The following SDK2 variants were observed in gnomAD, a reference collection of about 807,000 sequenced individuals.
SDK2 encodes the protein sidekick cell adhesion molecule 2.
A neutral mutation model predicts 253.9 loss-of-function variants in SDK2; 105 were observed. That is an observed-to-expected ratio of 0.41 (90% CI 0.35 to 0.49). SDK2 has a LOEUF of 0.49. Among genes scored for constraint, SDK2 ranks in the 20% least tolerant of loss-of-function variants. The probability of loss-of-function intolerance (pLI) is 0.06; values close to 1 mark genes in which losing one functional copy is unlikely to be tolerated. For synonymous variants in SDK2, 1,249 were observed against 1,234.9 expected, an observed-to-expected ratio of 1.01 and a Z score of -0.24; for missense variants, 2,608 against 3,003.0, an observed-to-expected ratio of 0.87 and a Z score of 3.07.
intron 1 of SDK2, among the ~76,000 whole-genome samples, chr17:73,636,429 T>G (rs1376922552): frequency 2.0e-5 from 3 of 152,070 alleles, no homozygotes; most frequent in Non-Finnish European, 4.4e-5. Flanking sequence ...AGCTCATGCC[T>G]GCAATCCCAG....
chr17:73,578,203 GCA>G (rs2045483744), intron 1 of SDK2, among the ~76,000 whole-genome samples: 2 of 152,196 alleles, frequency 1.3e-5, no homozygotes, highest in South Asian at 4.2e-4. Flanking sequence ...GGGATTACAG[GCA>G]CACACCACCA....
chr17:73,341,045 G>GTTT (rs10541030), intron 44 of SDK2, among the ~76,000 whole-genome samples: 1 of 131,696 alleles, frequency 7.6e-6, no homozygotes, highest in Non-Finnish European at 1.6e-5. Context: ...CGGCTGGTCT[G>GTTT]TTTTTTTTTT....
At chr17:73,545,099 G>GCGCACA (rs147498499) in intron 1 of SDK2, among the ~76,000 whole-genome samples, 2 of 145,716 alleles carry the variant, frequency 1.4e-5, no homozygotes, top group African/African-American at 5.1e-5. Flanking sequence ...GCACGTGCAC[G>GCGCACA]CACACACACA....
At chr17:73,401,587 G>C (rs2063026478) in intron 20 of SDK2, 67 bp downstream of exon 20, 1 of 1,390,606 alleles carries the variant, frequency 7.2e-7, no homozygotes, top group Admixed American at 2.0e-5. Flanking sequence ...AAAGGCAGGG[G>C]ATGGACCAGC....
chr17:73,347,579 G>C (rs1248931573), intron 44 of SDK2, among the ~76,000 whole-genome samples: 1 of 152,134 alleles, frequency 6.6e-6, no homozygotes, highest in African/African-American at 2.4e-5. Context: ...AGGCTTCCTG[G>C]CACCTCCTGC....
At chr17:73,446,665 G>A (rs976387943) in intron 5 of SDK2, among the ~76,000 whole-genome samples, 1 of 152,188 alleles carries the variant, frequency 6.6e-6, no homozygotes, top group Non-Finnish European at 1.5e-5. Context: ...AAGTACCATC[G>A]TGACCAAGGA....
intron 1 of SDK2, among the ~76,000 whole-genome samples, chr17:73,624,022 C>T (rs1567879237): frequency 6.6e-6 from 1 of 152,224 alleles, no homozygotes; most frequent in African/African-American, 2.4e-5. Flanking sequence ...GGCCGCTCAG[C>T]CTGCTGGGCC....
rs1031232609 is a variant in SDK2, at chr17:73,368,839, G to A, written c.4981-246C>T. Among the ~76,000 whole-genome samples, 4 of 151,972 alleles carry A rather than the reference G, an allele frequency of 2.6e-5. No homozygotes were observed. In the East Asian group the frequency reaches 5.8e-4, roughly 22 times the overall value. ...AGCCTGGCCAACATGGTGAATCCCC[G>A]TTTCTACTGGAAATACAAAAAAATC... On this transcript the variant is annotated intron_variant, in intron 36 of 44. Coordinates refer to ENST00000392650, the MANE Select transcript of SDK2 (RefSeq NM_001144952.2).
intron 2 of SDK2, among the ~76,000 whole-genome samples, chr17:73,491,516 G>A (rs1355257546): frequency 1.3e-5 from 2 of 152,114 alleles, no homozygotes; most frequent in Non-Finnish European, 2.9e-5. Flanking sequence ...GGGACTACAG[G>A]CGTGCACCAC....
intron 16 of SDK2, among the ~76,000 whole-genome samples, chr17:73,418,212 T>C (rs568252814): frequency 1.3e-5 from 2 of 152,312 alleles, no homozygotes; most frequent in Admixed American, 1.3e-4. Flanking sequence ...TTCACCATAT[T>C]GGCCAGGATT....
intron 1 of SDK2, among the ~76,000 whole-genome samples, chr17:73,594,179 G>C (rs1301645415): frequency 1.3e-5 from 2 of 152,204 alleles, no homozygotes; most frequent in African/African-American, 4.8e-5. Flanking sequence ...CTCTGAGGCT[G>C]AGTGTTGGAC....
At chr17:73,372,700 C>T (rs967888541) in intron 36 of SDK2, among the ~76,000 whole-genome samples, 1 of 151,788 alleles carries the variant, frequency 6.6e-6, no homozygotes, top group Non-Finnish European at 1.5e-5. Context: ...GAGATCACAC[C>T]ACTGCACTCC....
At chr17:73,433,236 A>C (rs1336277724) in intron 10 of SDK2, among the ~76,000 whole-genome samples, 8 of 151,994 alleles carry the variant, frequency 5.3e-5, no homozygotes, top group African/African-American at 1.9e-4. Flanking sequence ...CAGGTCTTGG[A>C]AGATGAAGAG....
chr17:73,463,531 C>G (rs1457338515), intron 3 of SDK2, among the ~76,000 whole-genome samples: 1 of 152,180 alleles, frequency 6.6e-6, no homozygotes, highest in African/African-American at 2.4e-5. Flanking sequence ...TGGATCTCCC[C>G]CCTTCCCCGG....
chr17:73,457,277 TCCTTC>T (rs2063534217), intron 3 of SDK2, among the ~76,000 whole-genome samples: 1 of 48,050 alleles, frequency 2.1e-5, no homozygotes, highest in Non-Finnish European at 3.9e-5. Flanking sequence ...CTTCCTTCCT[TCCTTC>T]CTTCCCCCCT....
At chr17:73,562,972 C>G (rs747668821) in intron 1 of SDK2, among the ~76,000 whole-genome samples, 6 of 152,186 alleles carry the variant, frequency 3.9e-5, no homozygotes, top group Non-Finnish European at 7.3e-5. Context: ...CAGTCTGACT[C>G]GGACCTGGGC....
At chr17:73,553,779 C>T (rs1463568960) in intron 1 of SDK2, among the ~76,000 whole-genome samples, 1 of 152,218 alleles carries the variant, frequency 6.6e-6, no homozygotes, top group Non-Finnish European at 1.5e-5. Context: ...GCAGAGGGGG[C>T]ATGACCAGCT....
At chr17:73,389,481 GC>G (rs1293597565) in intron 29 of SDK2, among the ~76,000 whole-genome samples, 6 of 152,036 alleles carry the variant, frequency 3.9e-5, no homozygotes, top group Non-Finnish European at 2.9e-5. Flanking sequence ...ACCATGCCCG[GC>G]CTATAGCTAA....
At chr17:73,428,836 T>TG (rs1333203545) in intron 12 of SDK2, among the ~76,000 whole-genome samples, 2 of 151,966 alleles carry the variant, frequency 1.3e-5, no homozygotes, top group African/African-American at 4.8e-5. Flanking sequence ...TTGCCAATTT[T>TG]GGGGGGGATA....
Sources: allele counts gnomAD v4.1 joint callset (sites outside exome capture counted in the v4.1 genomes callset), GRCh38; gene constraint gnomAD v4.1.1; transcripts MANE v1.5; gene names NCBI Gene and HGNC (gene_info 2026-07-23, HGNC 2026-07-21).